CLEC2D: variants seen among roughly 807,000 people sequenced by gnomAD.
CLEC2D encodes the protein C-type lectin domain family 2 member D.
In CLEC2D, 16 loss-of-function variants were observed where a neutral mutation model predicts 20.0. That is an observed-to-expected ratio of 0.80 (90% CI 0.54 to 1.22). The LOEUF is 1.22. Among genes scored for constraint, CLEC2D ranks in the 50% most tolerant of loss-of-function variants. The probability of loss-of-function intolerance (pLI) is 0.00; values close to 1 mark genes in which losing one functional copy is unlikely to be tolerated. For synonymous variants in CLEC2D, 77 were observed against 71.1 expected (o/e 1.08, Z -0.42); for missense variants, 207 against 221.5 (o/e 0.93, Z 0.42).
rs1866053949 is a variant in CLEC2D at position 9,698,500 on chromosome 12, A to G, written c.*3626A>G. 6.6e-6 allele frequency: 1 copy of G among 152,168 alleles called. No individual in the cohort carries two copies. The highest frequency in any genetic ancestry group is 2.1e-4 in the South Asian group (1 of 4,834). The allele number at this position is 152,168 out of a possible 1,614,324, so 9.4% of individuals were successfully genotyped here. On this transcript the variant is annotated 3_prime_UTR_variant, in exon 5 of 5. Transcript: ENST00000290855. Reference sequence around the variant, plus strand: ...GAATAAAATTGGACCCTTACCTCCTACCATATATAAAAACCAACTGAAAAT... The same window carrying G: ...GAATAAAATTGGACCCTTACCTCCTGCCATATATAAAAACCAACTGAAAAT...
At chr12:9,670,379 A>T (rs1865391663) in intron 1 of CLEC2D, among the ~76,000 whole-genome samples, 1 of 152,186 alleles carries the variant, frequency 6.6e-6, no homozygotes, top group African/African-American at 2.4e-5. Context: ...TAGGACTTAA[A>T]AGTTTGGAGT....
intron 1 of CLEC2D, among the ~76,000 whole-genome samples, chr12:9,677,336 T>C (rs967084447): frequency 1.3e-5 from 2 of 152,226 alleles, no homozygotes; most frequent in Non-Finnish European, 2.9e-5. Context: ...TGAAGTATTT[T>C]AAAACTTCTA....
At chr12:9,677,658 C>G (rs1865548899) in intron 1 of CLEC2D, among the ~76,000 whole-genome samples, 2 of 148,848 alleles carry the variant, frequency 1.3e-5, no homozygotes, top group African/African-American at 4.9e-5. Flanking sequence ...CTGAGTTCAC[C>G]TAAGTTCTAC....
chr12:9,683,335 G>GTTTTTTTTTTTTTTTTTTTTTTTTTTTT (rs1357039664), intron 2 of CLEC2D, among the ~76,000 whole-genome samples: 1 of 11,288 alleles, frequency 8.9e-5, no homozygotes, highest in African/African-American at 1.5e-4. Flanking sequence ...TTTTGTGTTT[G>GTTTTTTTTTTTTTTTTTTTTTTTTTTTT]TTTTTTTTTT....
chr12:9,681,885 A>C (rs11052384), intron 2 of CLEC2D, among the ~76,000 whole-genome samples: 18,322 of 152,256 alleles, frequency 0.12, 1,413 homozygotes, highest in Middle Eastern at 0.17. Context: ...TTTATGAAGC[A>C]AAAATAATTT....
chr12:9,695,674 G>C lies in CLEC2D; in HGVS notation c.*800G>C, dbSNP rs367940100. On this transcript the variant is annotated 3_prime_UTR_variant, in exon 5 of 5. Transcript: ENST00000290855. ...TGGGGGCTTTGAAATAACACCACCA[G>C]TGGACTTAAGGTTGAAGTGTGGTTC... The C allele has an allele frequency of 2.8e-5, 44 of 1,575,960 alleles. No homozygotes were observed. The African/African-American group carries it at 4.2e-4, about 15-fold the overall frequency.
chr12:9,695,383 G>T lies in CLEC2D; in HGVS notation c.*509G>T. On this transcript the variant is annotated 3_prime_UTR_variant, in exon 5 of 5. Coordinates refer to ENST00000290855, the MANE Select transcript of CLEC2D (RefSeq NM_013269.6). ...CCTACCTAAGTGTGTGTCGCCACCC[G>T]ATGGAAGATTCGATGGACATGGACA... 6.8e-7 allele frequency: 1 copy of T among 1,463,670 alleles called. No homozygotes were observed. The allele number at this position is 1,463,670 out of a possible 1,614,324, so 90.7% of individuals were successfully genotyped here.
In CLEC2D at chr12:9,697,887, G is replaced by A. The variant is rs1412514559; in HGVS notation, c.*3013G>A. 1 of 152,070 alleles carries A rather than the reference G, an allele frequency of 6.6e-6. No homozygotes were observed. Among genetic ancestry groups the A allele is most frequent in the Non-Finnish European group, 1.5e-5 (1 of 68,008 alleles). 9.4% of individuals were successfully genotyped at this position (152,070 alleles called of 1,614,324 possible). Reference sequence around the variant, plus strand: ...CTATAATAGTATTGCACTGTGTACTGAAAACTTGATGACAGATTTTAGATA... The same window carrying A: ...CTATAATAGTATTGCACTGTGTACTAAAAACTTGATGACAGATTTTAGATA... On this transcript the variant is annotated 3_prime_UTR_variant, in exon 5 of 5. Coordinates refer to ENST00000290855, the MANE Select transcript of CLEC2D (RefSeq NM_013269.6).
intron 4 of CLEC2D, 140 bp downstream of exon 4, chr12:9,693,071 G>A (rs1341975606): frequency 1.2e-6 from 2 of 1,613,844 alleles, no homozygotes; most frequent in South Asian, 1.1e-5. Flanking sequence ...CTTGTATGTT[G>A]CAAAGGTTTC....
Position 9,669,744 on chromosome 12 carries a change from A to T in CLEC2D, c.10A>T (p.Ser4Cys), listed in dbSNP as rs146546280. ...AGAAACTGGAGGCAAAATGCATGAC[A>T]GTAACAATGTGGAGAAAGACATTAC... MHD[S>C]NNVEKDITPS... Residue 4 changes from serine to cysteine, a missense_variant, in exon 1 of 5, where the codon AGT (serine) becomes TGT (cysteine). Ser to Cys is a moderately radical substitution (Grantham distance 112). Coordinates refer to ENST00000290855, the MANE Select transcript of CLEC2D (RefSeq NM_013269.6). 1.4e-5 allele frequency: 23 copies of T among 1,613,730 alleles called. No individual in the cohort carries two copies. The highest frequency in any genetic ancestry group is 1.8e-5 in the Non-Finnish European group (21 of 1,179,652).
Position 9,694,922 on chromosome 12 carries a change from A to G in CLEC2D, c.*48A>G. On this transcript the variant is annotated 3_prime_UTR_variant, in exon 5 of 5. Coordinates refer to ENST00000290855, the MANE Select transcript of CLEC2D (RefSeq NM_013269.6). ...AATCTTTAGAAGCATATTGGAACTG[A>G]TAACTCCATTTTAAAATGAGCAAAG... 1.0e-6 allele frequency: 1 copy of G among 961,102 alleles called. No individual in the cohort carries two copies. Among genetic ancestry groups the G allele is most frequent in the Admixed American group, 1.8e-5 (1 of 55,696 alleles). 59.5% of individuals were successfully genotyped at this position (961,102 alleles called of 1,614,324 possible). A position where few individuals can be genotyped will look rare whatever the true frequency, so the allele number is the denominator to read the frequency against.
chr12:9,677,707 C>CTTTTTTTTTTTTTTTTTTTTTTTTG (rs36120151), intron 1 of CLEC2D, among the ~76,000 whole-genome samples: 1 of 122,434 alleles, frequency 8.2e-6, no homozygotes, highest in African/African-American at 3.1e-5. Flanking sequence ...TTCTTTCTTT[C>CTTTTTTTTTTTTTTTTTTTTTTTTG]TTTTTTTTTT....
Position 9,698,350 on chromosome 12 carries a change from AC to A in CLEC2D, c.*3479del, listed in dbSNP as rs1866049975. The A allele has an allele frequency of 6.6e-6, 1 of 152,100 alleles. No homozygotes were observed. Among genetic ancestry groups the A allele is most frequent in the Admixed American group, 6.6e-5 (1 of 15,258 alleles). 9.4% of individuals were successfully genotyped at this position (152,100 alleles called of 1,614,324 possible). On this transcript the variant is annotated 3_prime_UTR_variant, in exon 5 of 5. Coordinates refer to ENST00000290855, the MANE Select transcript of CLEC2D (RefSeq NM_013269.6). ...TTATTCCTCTTAACTGAAACCTACT[AC>A]CCTGTGACATGTGGGGAACATCTCT...
chr12:9,687,806 C>T (rs1009368197), intron 2 of CLEC2D, 96 bp from the exon 3 acceptor site: 13 of 658,338 alleles, frequency 2.0e-5, no homozygotes, highest in Admixed American at 1.9e-4. Flanking sequence ...TAATACTTAA[C>T]AGGAGTGTCA....
chr12:9,689,914 AAG>A (rs1332103226), intron 3 of CLEC2D, among the ~76,000 whole-genome samples: 1 of 152,158 alleles, frequency 6.6e-6, no homozygotes, highest in African/African-American at 2.4e-5. Context: ...AAATCCAGGA[AAG>A]AGAAGAGAAA....
intron 1 of CLEC2D, among the ~76,000 whole-genome samples, chr12:9,678,741 A>T (rs1410186564): frequency 2.0e-5 from 3 of 152,282 alleles, no homozygotes; most frequent in Admixed American, 6.5e-5. Context: ...AGTCTTTGCT[A>T]CGTTGCCCAG....
chr12:9,672,064 C>T (rs984065287), intron 1 of CLEC2D, among the ~76,000 whole-genome samples: 6 of 151,930 alleles, frequency 3.9e-5, no homozygotes, highest in Non-Finnish European at 2.9e-5. Context: ...TTATAATGAA[C>T]AAAATCTATT....
chr12:9,677,245 A>G (rs1307200065), intron 1 of CLEC2D, among the ~76,000 whole-genome samples: 1 of 152,116 alleles, frequency 6.6e-6, no homozygotes, highest in Admixed American at 6.5e-5. Flanking sequence ...AGATGCATTC[A>G]ATACTATCAA....
At chr12:9,671,427 A>C (rs1865421643) in intron 1 of CLEC2D, among the ~76,000 whole-genome samples, 1 of 151,972 alleles carries the variant, frequency 6.6e-6, no homozygotes, top group Non-Finnish European at 1.5e-5. Context: ...TCACCGTGTT[A>C]GCCAGGATGG....
Sources: allele counts gnomAD v4.1 joint callset (sites outside exome capture counted in the v4.1 genomes callset), GRCh38; gene constraint gnomAD v4.1.1; transcripts MANE v1.5; gene names NCBI Gene and HGNC (gene_info 2026-07-23, HGNC 2026-07-21).